The following FLT1 variants were observed in gnomAD, a reference collection of about 807,000 sequenced individuals.
FLT1 encodes vascular endothelial growth factor receptor 1.
Under a neutral mutation model 156.3 loss-of-function variants are expected in FLT1, and 49 were observed. The ratio of observed to expected loss-of-function variants is 0.31; its 90% CI spans 0.25 to 0.40. The LOEUF (loss-of-function observed/expected upper bound fraction) is 0.40. Among genes scored for constraint, FLT1 ranks in the 10% least tolerant of loss-of-function variants. The probability of loss-of-function intolerance (pLI) is 1.00; values close to 1 mark genes in which losing one functional copy is unlikely to be tolerated. For synonymous variants in FLT1, 594 were observed against 583.8 expected (o/e 1.02, Z -0.25); for missense variants, 1,322 against 1,637.2 (o/e 0.81, Z 3.32).
At chr13:28,348,036 G>C (rs1441853260) in intron 15 of FLT1, among the ~76,000 whole-genome samples, 1 of 152,066 alleles carries the variant, frequency 6.6e-6, no homozygotes, top group South Asian at 2.1e-4. Context: ...CATAGTCCCC[G>C]CCACAAAGTT....
At chr13:28,366,544 A>G (rs574506441) in intron 14 of FLT1, among the ~76,000 whole-genome samples, 56 of 151,348 alleles carry the variant, frequency 3.7e-4, no homozygotes, top group African/African-American at 1.0e-3. Context: ...ATCTCGGCTC[A>G]CTGCAACCTC....
At chr13:28,367,403 G>C (rs1873340228) in intron 14 of FLT1, among the ~76,000 whole-genome samples, 1 of 152,134 alleles carries the variant, frequency 6.6e-6, no homozygotes, top group Non-Finnish European at 1.5e-5. Context: ...TGGAGGATGT[G>C]GATAAGTTTT....
intron 15 of FLT1, among the ~76,000 whole-genome samples, chr13:28,354,071 T>G (rs370101135): frequency 6.6e-6 from 1 of 152,188 alleles, no homozygotes; most frequent in Non-Finnish European, 1.5e-5. Context: ...AGGGTCCATA[T>G]GCATCTAACA....
intron 24 of FLT1, among the ~76,000 whole-genome samples, chr13:28,318,980 T>C (rs1275180629): frequency 6.6e-6 from 1 of 152,206 alleles, no homozygotes; most frequent in African/African-American, 2.4e-5. Context: ...GTCTCCTGTT[T>C]CTAACAACAC....
chr13:28,487,263 C>T (rs2137667415), intron 1 of FLT1, among the ~76,000 whole-genome samples: 1 of 152,372 alleles, frequency 6.6e-6, no homozygotes, highest in South Asian at 2.1e-4. Context: ...TAGAGAGAGG[C>T]AAAGGCTTTC....
chr13:28,449,201 C>T (rs914145538), intron 3 of FLT1, among the ~76,000 whole-genome samples: 4 of 152,120 alleles, frequency 2.6e-5, no homozygotes, highest in African/African-American at 9.7e-5. Context: ...GAGGATCAAT[C>T]GAAGCCCAGG....
rs1244806106 is a variant in FLT1 at position 28,495,073 on chromosome 13, G to A, written c.-230C>T. 3 of 463,254 alleles carry A rather than the reference G, an allele frequency of 6.5e-6. No individual in the cohort carries two copies. The highest frequency in any genetic ancestry group is 3.6e-5 in the East Asian group (1 of 27,698). 28.7% of individuals were successfully genotyped at this position (463,254 alleles called of 1,614,324 possible). On this transcript the variant is annotated 5_prime_UTR_variant, in exon 1 of 30. Coordinates refer to ENST00000282397, the MANE Select transcript of FLT1 (RefSeq NM_002019.4). The surrounding 1 kb of genome is among the most constrained non-coding windows in gnomAD (Gnocchi z 4.1). ...GCTCCGAGCCGCCGCCGCTGCCGGG[G>A]AGGAGCCGAGAGGAGTGTCCGCCTG...
intron 15 of FLT1, among the ~76,000 whole-genome samples, chr13:28,356,656 G>GA (rs538203452): frequency 6.6e-6 from 1 of 152,110 alleles, no homozygotes; most frequent in African/African-American, 2.4e-5. Flanking sequence ...GTTTCAGGGG[G>GA]AAAAAAACTG....
chr13:28,492,548 C>A (rs1881527597), intron 1 of FLT1, among the ~76,000 whole-genome samples: 1 of 152,112 alleles, frequency 6.6e-6, no homozygotes, highest in South Asian at 2.1e-4. Context: ...GGTTATTTTA[C>A]CTCTCAATGC....
chr13:28,344,096 C>G (rs143495839), intron 16 of FLT1, among the ~76,000 whole-genome samples: 2 of 152,090 alleles, frequency 1.3e-5, no homozygotes, highest in African/African-American at 4.8e-5. Flanking sequence ...CCACTCCCCC[C>G]ATTCCTGCCT....
chr13:28,359,463 G>A (rs908356361), intron 14 of FLT1, among the ~76,000 whole-genome samples: 3 of 152,204 alleles, frequency 2.0e-5, no homozygotes, highest in South Asian at 2.1e-4. Context: ...AAAACTCCAC[G>A]ATATTGGTCT....
chr13:28,424,909 G>A (rs927386038), intron 10 of FLT1, among the ~76,000 whole-genome samples: 5 of 152,158 alleles, frequency 3.3e-5, no homozygotes, highest in African/African-American at 1.2e-4. Flanking sequence ...TAGTCTAAGT[G>A]TATATAAATA....
chr13:28,303,491 A>ACCCC (rs781008736), intron 29 of FLT1, 123 bp from the exon 30 acceptor site: 1 of 706,578 alleles, frequency 1.4e-6, no homozygotes, highest in African/African-American at 3.2e-5. Flanking sequence ...ATGGTTTTGG[A>ACCCC]ACCCCCCCCC....
chr13:28,473,861 A>C (rs2477394), intron 1 of FLT1, among the ~76,000 whole-genome samples: 1,825 of 150,730 alleles, frequency 0.012, 58 homozygotes, highest in African/African-American at 0.042. Context: ...AAAGAAAGAA[A>C]GAACCCAATG....
chr13:28,450,662 A>G (rs1878880312), intron 3 of FLT1, among the ~76,000 whole-genome samples: 1 of 152,192 alleles, frequency 6.6e-6, no homozygotes, highest in Non-Finnish European at 1.5e-5. Context: ...CCATGTCCCA[A>G]GTCCTATTAT....
intron 10 of FLT1, among the ~76,000 whole-genome samples, chr13:28,412,561 A>G (rs1015132440): frequency 6.7e-6 from 1 of 149,266 alleles, no homozygotes; most frequent in African/African-American, 2.5e-5. Flanking sequence ...GGCTGGGATT[A>G]CAGGCTTGTG....
rs113034627 is a variant in FLT1 at position 28,326,549 on chromosome 13, G to A, written c.2796+913C>T. ...TTTTTTTTTTTTTTTTTTTTGAGAC[G>A]GAGTCTCACTCTGTTGCCCAGGCTG... On this transcript the variant is annotated intron_variant, in intron 20 of 29. Coordinates refer to ENST00000282397, the MANE Select transcript of FLT1 (RefSeq NM_002019.4). Among the ~76,000 whole-genome samples the A allele has an allele frequency of 3.8e-4, 52 of 137,008 alleles. 1 individual carries two copies. The highest frequency in any genetic ancestry group is 2.0e-3 in the Admixed American group (26 of 13,048). The allele number at this position is 137,008 out of a possible 152,430, so 89.9% of individuals were successfully genotyped here.
chr13:28,387,805 C>CT lies in FLT1; in HGVS notation c.1969+1990dup. 3 of 647,030 alleles carry CT rather than the reference C, an allele frequency of 4.6e-6. No homozygotes were observed. The South Asian group carries it at 2.4e-4, about 51-fold the overall frequency. 40.1% of individuals were successfully genotyped at this position (647,030 alleles called of 1,614,324 possible). ...AAAAACAAAACCCACCCAAAAGTTT[C>CT]TTTAAAAAAAAAAAAAAAGACTCTC... On this transcript the variant is annotated intron_variant, in intron 13 of 29. Transcript: ENST00000282397.
At chr13:28,353,572 CA>C (rs34155046) in intron 15 of FLT1, among the ~76,000 whole-genome samples, 2,992 of 123,420 alleles carry the variant, frequency 0.024, 46 homozygotes, top group African/African-American at 0.067. Context: ...GACTGTGTCT[CA>C]AAAAAAAAAA....
Sources: allele counts gnomAD v4.1 joint callset (sites outside exome capture counted in the v4.1 genomes callset), GRCh38; gene constraint gnomAD v4.1.1; non-coding constraint Gnocchi (gnomAD v3.1); transcripts MANE v1.5; gene names NCBI Gene and HGNC (gene_info 2026-07-23, HGNC 2026-07-21).